Variants in ZDHHC5 observed in about 807,000 individuals in gnomAD.
ZDHHC5 encodes zDHHC palmitoyltransferase 5, also known as palmitoyltransferase ZDHHC5.
A neutral mutation model predicts 70.0 loss-of-function variants in ZDHHC5; 22 were observed. The ratio of observed to expected loss-of-function variants is 0.31; its 90% CI spans 0.22 to 0.45. The LOEUF is 0.45. ZDHHC5 is among the 20% of genes least tolerant of loss of function. The pLI, the probability that ZDHHC5 is intolerant of heterozygous loss-of-function variation, is 1.00. For synonymous variants in ZDHHC5, 313 were observed against 347.8 expected, an observed-to-expected ratio of 0.90 and a Z score of 1.11; for missense variants, 746 against 926.9, an observed-to-expected ratio of 0.80 and a Z score of 2.53.
intron 9 of ZDHHC5, among the ~76,000 whole-genome samples, 184 bp from the exon 10 acceptor site, chr11:57,696,577 G>A (rs1390814936): frequency 6.6e-6 from 1 of 152,150 alleles, no homozygotes; most frequent in Non-Finnish European, 1.5e-5. Flanking sequence ...AGTTAGCTGG[G>A]CATGGTGGCA....
chr11:57,673,627 A>G (rs1206986297), intron 2 of ZDHHC5, among the ~76,000 whole-genome samples: 1 of 152,152 alleles, frequency 6.6e-6, no homozygotes, highest in African/African-American at 2.4e-5. Flanking sequence ...CTGGAGTGCA[A>G]TGTCGCGGTC....
In ZDHHC5 at chr11:57,672,400, ATAAAT is replaced by A. The variant is rs1001755294; in HGVS notation, c.-686_-682del. On this transcript the variant is annotated 5_prime_UTR_variant, in exon 2 of 12. Transcript: ENST00000287169. The stretch of plus-strand genomic sequence containing the variant: ...TCCAGCTTTAGCCATCAAGAGAGAA[ATAAAT>A]TAAACCACCATTGCCAGACTACAAG... 2.5e-5 allele frequency: 10 copies of A among 393,172 alleles called. No homozygotes were observed. The highest frequency in any genetic ancestry group is 1.8e-5 in the Non-Finnish European group (4 of 223,250). 24.4% of individuals were successfully genotyped at this position (393,172 alleles called of 1,614,324 possible).
chr11:57,669,633 A>G (rs568404663), intron 1 of ZDHHC5, among the ~76,000 whole-genome samples: 91 of 152,082 alleles, frequency 6.0e-4, no homozygotes, highest in Non-Finnish European at 5.4e-4. Flanking sequence ...ATTTGTTTGT[A>G]TTTTTAGTAG....
chr11:57,689,434 A>G (rs1270086), intron 4 of ZDHHC5, among the ~76,000 whole-genome samples: 3 of 151,658 alleles, frequency 2.0e-5, no homozygotes, highest in Non-Finnish European at 4.4e-5. Flanking sequence ...CTGGAGTGCA[A>G]TGGCGCAATC....
chr11:57,674,877 G>A (rs996985443), intron 2 of ZDHHC5, among the ~76,000 whole-genome samples: 2 of 152,182 alleles, frequency 1.3e-5, no homozygotes, highest in South Asian at 4.1e-4. Context: ...CCCCAGCTCT[G>A]AGCTTGAGCA....
chr11:57,678,221 TTGA>T (rs747205557), intron 2 of ZDHHC5, among the ~76,000 whole-genome samples: 27 of 152,268 alleles, frequency 1.8e-4, no homozygotes, highest in Middle Eastern at 3.4e-3. Context: ...GGTGGAATAA[TTGA>T]TGATGATGAT....
chr11:57,695,843 CTT>C (rs1392103442), intron 8 of ZDHHC5, 75 bp from the exon 9 acceptor site: 10 of 1,539,314 alleles, frequency 6.5e-6, no homozygotes, highest in Non-Finnish European at 8.7e-6. Context: ...ATACCTCCCT[CTT>C]ATATCAATTT....
intron 1 of ZDHHC5, among the ~76,000 whole-genome samples, chr11:57,671,368 A>G (rs1946004399): frequency 6.6e-6 from 1 of 152,204 alleles, no homozygotes; most frequent in Admixed American, 6.5e-5. Flanking sequence ...TTAGGCCAAT[A>G]TAGGAATAAT....
intron 3 of ZDHHC5, 30 bp from the exon 4 acceptor site, chr11:57,688,478 T>C (rs955394809): frequency 2.0e-6 from 3 of 1,517,308 alleles, no homozygotes; most frequent in Non-Finnish European, 2.7e-6. Context: ...TCTGGCATAG[T>C]TGTTTTTAAT....
chr11:57,676,156 G>T (rs1010315969), intron 2 of ZDHHC5, among the ~76,000 whole-genome samples: 2 of 152,206 alleles, frequency 1.3e-5, no homozygotes, highest in African/African-American at 4.8e-5. Context: ...ATGTTTCTTT[G>T]TTAAGTTGGG....
intron 8 of ZDHHC5, among the ~76,000 whole-genome samples, chr11:57,694,762 C>A (rs1444366456): frequency 6.6e-6 from 1 of 152,184 alleles, no homozygotes; most frequent in East Asian, 1.9e-4. Flanking sequence ...AGGAGCTAAA[C>A]AAGTAGTTGT....
At chr11:57,675,974 C>T (rs1946066600) in intron 2 of ZDHHC5, among the ~76,000 whole-genome samples, 1 of 152,216 alleles carries the variant, frequency 6.6e-6, no homozygotes, top group African/African-American at 2.4e-5. Context: ...ACTACTCTAT[C>T]ATCCTCCTAT....
chr11:57,695,495 T>A (rs1309870001), intron 8 of ZDHHC5, among the ~76,000 whole-genome samples: 1 of 152,018 alleles, frequency 6.6e-6, no homozygotes, highest in Non-Finnish European at 1.5e-5. Context: ...CCAGTATAGT[T>A]GAGAAATATA....
intron 2 of ZDHHC5, among the ~76,000 whole-genome samples, chr11:57,676,179 C>T (rs1946068878): frequency 6.6e-6 from 1 of 152,180 alleles, no homozygotes; most frequent in Non-Finnish European, 1.5e-5. Flanking sequence ...AAGCTATGAG[C>T]AGAAATTACT....
At chr11:57,686,833 G>GTTT (rs57661352) in intron 3 of ZDHHC5, among the ~76,000 whole-genome samples, 2 of 142,448 alleles carry the variant, frequency 1.4e-5, no homozygotes, top group Non-Finnish European at 1.5e-5. Context: ...GTGTGTGTGT[G>GTTT]TTTTTTTTTT....
rs1286401902 is a variant in ZDHHC5 at position 57,699,068 on chromosome 11, C to T, written c.1632C>T (p.Leu544=). The T allele has an allele frequency of 6.2e-7, 1 of 1,613,630 alleles. No individual in the cohort carries two copies. Among genetic ancestry groups the T allele is most frequent in the Admixed American group, 1.7e-5 (1 of 60,010 alleles). The part of the protein sequence containing the change: ...DNLSRHIVAS[L]QEREKLLRQS... ...TGTCGCGCCACATTGTGGCCTCTCT[C>T]CAGGAACGAGAGAAGTTGCTGCGCC... The change falls in exon 11 of 12, where the codon CTC becomes CTT. Residue 544 remains leucine (L), a synonymous_variant. Coordinates refer to ENST00000287169, the MANE Select transcript of ZDHHC5 (RefSeq NM_015457.3).
At chr11:57,685,004 C>T (rs1489447825) in intron 3 of ZDHHC5, among the ~76,000 whole-genome samples, 2 of 151,954 alleles carry the variant, frequency 1.3e-5, no homozygotes, top group Admixed American at 6.6e-5. Context: ...AAAAATTAGC[C>T]CGACATGGTG....
intron 8 of ZDHHC5, 49 bp downstream of exon 8, chr11:57,693,964 A>C: frequency 1.9e-6 from 3 of 1,561,882 alleles, no homozygotes; most frequent in Non-Finnish European, 8.6e-7. Context: ...GTCTCACCCA[A>C]GGCAAAGAGA....
intron 3 of ZDHHC5, among the ~76,000 whole-genome samples, chr11:57,687,778 TTTTTAAGATG>T (rs1212203048): frequency 1.7e-5 from 2 of 116,504 alleles, no homozygotes; most frequent in African/African-American, 6.2e-5. Context: ...TTTTTTTTTT[TTTTTAAGATG>T]AAGATGAAGT....
Sources: allele counts gnomAD v4.1 joint callset (sites outside exome capture counted in the v4.1 genomes callset), GRCh38; gene constraint gnomAD v4.1.1; transcripts MANE v1.5; gene names NCBI Gene and HGNC (gene_info 2026-07-23, HGNC 2026-07-21).